The following FRMD4A variants were observed in gnomAD, a reference collection of about 807,000 sequenced individuals.
FRMD4A encodes FERM domain containing 4A.
In FRMD4A, 29 loss-of-function variants were observed where a neutral mutation model predicts 129.1. That is an observed-to-expected ratio of 0.22 (90% CI 0.17 to 0.31). The LOEUF is 0.31. Ranked by LOEUF, FRMD4A falls within the 10% of genes least tolerant of loss-of-function variation. FRMD4A has a pLI of 1.00. For synonymous variants in FRMD4A, 634 were observed against 571.6 expected (o/e 1.11, Z -1.56); for missense variants, 1,272 against 1,375.8 (o/e 0.92, Z 1.19).
At chr10:14,065,215 G>A (rs920293895) in intron 2 of FRMD4A, among the ~76,000 whole-genome samples, 5 of 151,800 alleles carry the variant, frequency 3.3e-5, no homozygotes, top group Admixed American at 2.0e-4. Context: ...GGAGGATCTC[G>A]CTCTGTCACC....
intron 15 of FRMD4A, among the ~76,000 whole-genome samples, chr10:13,688,704 CTTCTT>C (rs1221452495): frequency 6.6e-6 from 1 of 151,702 alleles, no homozygotes; most frequent in East Asian, 2.0e-4. Flanking sequence ...TGGATATTGA[CTTCTT>C]TTTTATTTAT....
intron 2 of FRMD4A, among the ~76,000 whole-genome samples, chr10:14,048,774 C>A (rs1235547785): frequency 6.6e-6 from 1 of 151,524 alleles, no homozygotes; most frequent in African/African-American, 2.4e-5. Flanking sequence ...CCACCGCACT[C>A]CAGCCTGGGT....
At chr10:14,208,895 T>C (rs1040418620) in intron 2 of FRMD4A, among the ~76,000 whole-genome samples, 1 of 152,094 alleles carries the variant, frequency 6.6e-6, no homozygotes, top group Non-Finnish European at 1.5e-5. Flanking sequence ...CCCTGAACTT[T>C]TTCCCCTCCC....
intron 2 of FRMD4A, among the ~76,000 whole-genome samples, chr10:13,946,871 A>G (rs373591736): frequency 6.6e-6 from 1 of 152,158 alleles, no homozygotes; most frequent in South Asian, 2.1e-4. Flanking sequence ...CCATGCTTCA[A>G]TAAACAGCAG....
intron 16 of FRMD4A, among the ~76,000 whole-genome samples, chr10:13,671,015 C>A (rs61833213): frequency 0.24 from 36,822 of 152,088 alleles, 5,149 homozygotes; most frequent in Middle Eastern, 0.33. Context: ...TGGATTTTCA[C>A]AAGAGGAGTG....
At chr10:14,170,530 A>T (rs942968578) in intron 2 of FRMD4A, among the ~76,000 whole-genome samples, 1 of 152,224 alleles carries the variant, frequency 6.6e-6, no homozygotes, top group Admixed American at 6.5e-5. Context: ...GGTCAGACAG[A>T]GAAAAAGACA....
At chr10:14,069,005 G>C (rs7086381) in intron 2 of FRMD4A, among the ~76,000 whole-genome samples, 47,924 of 150,848 alleles carry the variant, frequency 0.32, 9,518 homozygotes, top group African/African-American at 0.57. Context: ...TTTGTTTTCT[G>C]TCCTCAGTGG....
intron 2 of FRMD4A, among the ~76,000 whole-genome samples, chr10:13,980,914 A>T (rs1156590308): frequency 6.6e-6 from 1 of 152,256 alleles, no homozygotes; most frequent in Non-Finnish European, 1.5e-5. Context: ...TCAATGAATC[A>T]GACTTTTATA....
chr10:14,300,291 C>T lies in FRMD4A; in HGVS notation c.45+29767G>A, dbSNP rs538363122. On this transcript the variant is annotated intron_variant, in intron 2 of 24. Coordinates refer to ENST00000357447, the MANE Select transcript of FRMD4A (RefSeq NM_018027.5). Reference sequence around the variant, plus strand: ...TCTGAATTACCCAGGAGAGAGAAGGCTTGGAGGTATGATGGGCTGATCTGA... The same window carrying T: ...TCTGAATTACCCAGGAGAGAGAAGGTTTGGAGGTATGATGGGCTGATCTGA... Among the ~76,000 whole-genome samples, 8 of 152,240 alleles carry T rather than the reference C, an allele frequency of 5.3e-5. No individual in the cohort carries two copies. In the South Asian group the frequency reaches 1.7e-3, roughly 32 times the overall value.
At chr10:13,949,315 A>AG (rs932794334) in intron 2 of FRMD4A, among the ~76,000 whole-genome samples, 34 of 148,712 alleles carry the variant, frequency 2.3e-4, no homozygotes, top group Non-Finnish European at 4.3e-4. Flanking sequence ...AAAAAAAAAA[A>AG]AAAGAAAGAA....
chr10:13,647,087 G>A (rs1304293012), intron 24 of FRMD4A, 52 bp from the exon 25 acceptor site: 1 of 346,410 alleles, frequency 2.9e-6, no homozygotes, highest in East Asian at 1.7e-4. Flanking sequence ...GGAGGAGGAT[G>A]GGTTCAGCCA....
intron 8 of FRMD4A, among the ~76,000 whole-genome samples, chr10:13,753,625 GC>G (rs2091733231): frequency 6.8e-6 from 1 of 146,420 alleles, no homozygotes; most frequent in South Asian, 2.1e-4. Flanking sequence ...GCTCACTGCA[GC>G]CTCCACCTCC....
chr10:14,085,804 G>T (rs1229175935), intron 2 of FRMD4A, among the ~76,000 whole-genome samples: 1 of 152,184 alleles, frequency 6.6e-6, no homozygotes, highest in Non-Finnish European at 1.5e-5. Flanking sequence ...AACTTGGAGG[G>T]ATCTGCATTA....
At chr10:14,069,096 T>C (rs549626868) in intron 2 of FRMD4A, among the ~76,000 whole-genome samples, 1 of 152,306 alleles carries the variant, frequency 6.6e-6, no homozygotes, top group East Asian at 1.9e-4. Context: ...GATTTGGTGA[T>C]TCACTTTTTA....
At chr10:13,951,214 G>A (rs2095368228) in intron 2 of FRMD4A, among the ~76,000 whole-genome samples, 2 of 152,146 alleles carry the variant, frequency 1.3e-5, no homozygotes, top group Non-Finnish European at 2.9e-5. Context: ...TTCGGGGAAG[G>A]AGGGACAGCA....
chr10:13,751,378 T>C (rs1012897079), intron 8 of FRMD4A, among the ~76,000 whole-genome samples: 4 of 152,210 alleles, frequency 2.6e-5, no homozygotes, highest in Non-Finnish European at 5.9e-5. Context: ...CTGGAAGGGA[T>C]CCATGGCCCT....
rs556177367 is a variant in FRMD4A, at chr10:13,825,016, A to T, written c.112-14108T>A. 3.3e-5 allele frequency among the ~76,000 whole-genome samples: 5 copies of T among 151,736 alleles called. No individual in the cohort carries two copies. The South Asian group carries it at 1.0e-3, about 32-fold the overall frequency. On this transcript the variant is annotated intron_variant, in intron 3 of 24. Coordinates refer to ENST00000357447, the MANE Select transcript of FRMD4A (RefSeq NM_018027.5). ...GTCATTTTTCCCTCATTCCTGGGGG[A>T]CACTTTCCAAGACTCCCAGTAGATA...
At chr10:13,673,785 T>C (rs2134727525) in intron 16 of FRMD4A, among the ~76,000 whole-genome samples, 1 of 147,858 alleles carries the variant, frequency 6.8e-6, no homozygotes, top group South Asian at 2.2e-4. Context: ...TTTTTTTTTT[T>C]TTTTTTTTGA....
At chr10:13,684,255 G>C (rs1589363746) in intron 15 of FRMD4A, 24 of 888,420 alleles carry the variant, frequency 2.7e-5, no homozygotes, top group Non-Finnish European at 3.2e-5. Context: ...CAACGAGGAA[G>C]ACAAAAAGGG....
Sources: allele counts gnomAD v4.1 joint callset (sites outside exome capture counted in the v4.1 genomes callset), GRCh38; gene constraint gnomAD v4.1.1; transcripts MANE v1.5; gene names NCBI Gene and HGNC (gene_info 2026-07-23, HGNC 2026-07-21).